Variants in PARG observed in about 807,000 individuals in gnomAD.
PARG encodes the protein mitochondrial poly(ADP-ribose) glycohydrolase.
In PARG, 35 loss-of-function variants were observed where a neutral mutation model predicts 113.0. The ratio of observed to expected loss-of-function variants is 0.31; its 90% CI spans 0.24 to 0.41. The LOEUF (loss-of-function observed/expected upper bound fraction) is 0.41. Among genes scored for constraint, PARG ranks in the 10% least tolerant of loss-of-function variants. The probability of loss-of-function intolerance (pLI) is 1.00; values close to 1 mark genes in which losing one functional copy is unlikely to be tolerated. For synonymous variants in PARG, 330 were observed against 409.9 expected (o/e 0.81, Z 2.36); for missense variants, 797 against 1,169.4 (o/e 0.68, Z 4.64).
intron 9 of PARG, among the ~76,000 whole-genome samples, chr10:49,878,569 G>C (rs1205848071): frequency 1.4e-5 from 2 of 141,424 alleles, no homozygotes; most frequent in African/African-American, 5.1e-5. Flanking sequence ...AGTTGGCCAA[G>C]ATTGCACCAC....
chr10:49,922,724 A>G (rs1252481275), intron 4 of PARG, 55 bp from the exon 5 acceptor site: 2 of 1,128,826 alleles, frequency 1.8e-6, no homozygotes, highest in Non-Finnish European at 2.5e-6. Context: ...TGTATCTTCT[A>G]TAAAATAATC....
intron 7 of PARG, among the ~76,000 whole-genome samples, chr10:49,891,650 G>A (rs1847813033): frequency 1.1e-5 from 1 of 88,394 alleles, no homozygotes; most frequent in Admixed American, 1.6e-4. Flanking sequence ...TTTTTTTTGA[G>A]ATAGCGTCTC....
At chr10:49,885,953 T>G (rs2132655829) in intron 7 of PARG, among the ~76,000 whole-genome samples, 1 of 152,336 alleles carries the variant, frequency 6.6e-6, no homozygotes, top group Non-Finnish European at 1.5e-5. Flanking sequence ...CACCTTTTAA[T>G]CTAATGTCTT....
intron 11 of PARG, among the ~76,000 whole-genome samples, chr10:49,862,461 G>A (rs189850253): frequency 1.1e-3 from 170 of 152,072 alleles, no homozygotes; most frequent in South Asian, 4.4e-3. Context: ...TAGTCTAGGA[G>A]GTTAGCTGGA....
intron 16 of PARG, 125 bp from the exon 17 acceptor site, chr10:49,820,418 G>A (rs901183469): frequency 6.2e-6 from 4 of 645,518 alleles, no homozygotes; most frequent in Non-Finnish European, 7.8e-6. Context: ...AGTATACATG[G>A]TATTAGAAAT....
intron 10 of PARG, among the ~76,000 whole-genome samples, chr10:49,866,917 A>G (rs1554837008): frequency 1.3e-5 from 2 of 151,820 alleles, no homozygotes; most frequent in Non-Finnish European, 2.9e-5. Context: ...AAAATACTTC[A>G]GTCTCAAGAT....
chr10:49,938,799 A>C (rs1271759199), intron 1 of PARG, among the ~76,000 whole-genome samples: 2 of 152,138 alleles, frequency 1.3e-5, no homozygotes, highest in Admixed American at 1.3e-4. Context: ...AAAGATACTG[A>C]ATAAATATCC....
chr10:49,885,133 GC>G, intron 8 of PARG, 69 bp downstream of exon 8: 5 of 821,892 alleles, frequency 6.1e-6, no homozygotes, highest in Non-Finnish European at 8.7e-6. Context: ...TGTGACCCTG[GC>G]CATTCGAGTT....
chr10:49,891,615 ATATATATATTTTT>A (rs1221197474), intron 7 of PARG, among the ~76,000 whole-genome samples: 1 of 63,194 alleles, frequency 1.6e-5, no homozygotes, highest in African/African-American at 9.1e-5. Flanking sequence ...ATATATATAT[ATATATATATTTTT>A]TTTTTTTTTT....
At chr10:49,926,332 A>G (rs574554749) in intron 4 of PARG, among the ~76,000 whole-genome samples, 1 of 152,020 alleles carries the variant, frequency 6.6e-6, no homozygotes, top group South Asian at 2.1e-4. Context: ...CCAGGCACCT[A>G]TCTAGCCTTG....
intron 16 of PARG, among the ~76,000 whole-genome samples, chr10:49,832,554 C>T (rs1844723337): frequency 6.6e-6 from 1 of 152,176 alleles, no homozygotes. Context: ...CTCCTCCTGC[C>T]AATCTTTCAA....
intron 4 of PARG, 72 bp downstream of exon 4, chr10:49,932,028 C>A: frequency 1.2e-6 from 1 of 864,366 alleles, no homozygotes; most frequent in Non-Finnish European, 1.9e-6. Flanking sequence ...TGGTCTGTTT[C>A]TCACTTAATA....
intron 15 of PARG, among the ~76,000 whole-genome samples, chr10:49,840,955 T>A (rs1554832151): frequency 6.6e-6 from 1 of 152,174 alleles, no homozygotes; most frequent in Non-Finnish European, 1.5e-5. Context: ...TTTGTGGAAC[T>A]AAAGAAAATC....
intron 7 of PARG, among the ~76,000 whole-genome samples, chr10:49,912,370 AC>A (rs1554846507): frequency 1.3e-5 from 2 of 152,092 alleles, no homozygotes; most frequent in African/African-American, 4.8e-5. Context: ...ATGTTTAAGA[AC>A]CCTTAGTTTA....
intron 7 of PARG, among the ~76,000 whole-genome samples, chr10:49,897,398 C>G (rs1235963504): frequency 6.6e-6 from 1 of 152,190 alleles, no homozygotes; most frequent in Non-Finnish European, 1.5e-5. Context: ...GGGAAGCCTT[C>G]ACTGATTGCC....
chr10:49,916,158 A>G (rs1204964555), intron 6 of PARG, among the ~76,000 whole-genome samples, 167 bp from the exon 7 acceptor site: 1 of 152,118 alleles, frequency 6.6e-6, no homozygotes, highest in African/African-American at 2.4e-5. Context: ...AGACAAACAG[A>G]ATGAATACTA....
intron 7 of PARG, among the ~76,000 whole-genome samples, chr10:49,896,292 TG>T (rs1279441346): frequency 1.1e-4 from 16 of 152,228 alleles, no homozygotes; most frequent in Non-Finnish European, 2.2e-4. Flanking sequence ...TGTTTTGTTT[TG>T]TTTTTTTTCT....
chr10:49,821,338 C>T (rs1844066500), intron 16 of PARG, among the ~76,000 whole-genome samples: 1 of 152,136 alleles, frequency 6.6e-6, no homozygotes, highest in South Asian at 2.1e-4. Flanking sequence ...AAATCTCTTA[C>T]TTCATAAAAG....
chr10:49,901,496 G>A (rs1848346946), intron 7 of PARG, among the ~76,000 whole-genome samples: 1 of 151,430 alleles, frequency 6.6e-6, no homozygotes, highest in Admixed American at 6.6e-5. Context: ...ATCAAGTAAC[G>A]TGCATACATA....
Sources: gnomAD v4.1 joint callset for allele counts (sites outside exome capture counted in the v4.1 genomes callset) on GRCh38, gnomAD v4.1.1 for gene constraint, MANE v1.5 for transcripts, NCBI Gene and HGNC (gene_info 2026-07-23, HGNC 2026-07-21) for gene names.